Variants in GTPBP1 observed in about 807,000 individuals in gnomAD.
The protein encoded by GTPBP1 is GTP-binding protein 1.
GTPBP1 carries 23 observed loss-of-function variants against 62.0 expected under a neutral mutation model. That is an observed-to-expected ratio of 0.37 (90% confidence interval 0.27 to 0.53). The LOEUF (loss-of-function observed/expected upper bound fraction) is 0.53. GTPBP1 is among the 20% of genes least tolerant of loss of function. GTPBP1 has a pLI of 0.89. For synonymous variants in GTPBP1, 344 were observed against 364.4 expected, an observed-to-expected ratio of 0.94 and a Z score of 0.64; for missense variants, 640 against 917.3, an observed-to-expected ratio of 0.70 and a Z score of 3.90.
chr22:38,739,816 T>C (rs2092838756), downstream of GTPBP1: 19 of 1,613,612 alleles, frequency 1.2e-5, no homozygotes, highest in Non-Finnish European at 1.5e-5. This position sits in a 1 kb window ranked among gnomAD's most constrained non-coding sequence, Gnocchi z 6.7. Flanking sequence ...CTCTGCCACA[T>C]GGGTGAGGAT....
chr22:38,738,796 C>T (rs2092829298), downstream of GTPBP1: 1 of 1,604,512 alleles, frequency 6.2e-7, no homozygotes, highest in Non-Finnish European at 8.5e-7. The surrounding 1 kb of genome is among the most constrained non-coding windows in gnomAD (Gnocchi z 6.6). Flanking sequence ...GCCCTGAGTC[C>T]AGCTCTTGCT....
downstream of GTPBP1, chr22:38,740,608 G>T: frequency 1.5e-6 from 1 of 646,044 alleles, no homozygotes; most frequent in Non-Finnish European, 2.5e-6. The surrounding 1 kb of genome is among the most constrained non-coding windows in gnomAD (Gnocchi z 4.8). Flanking sequence ...CAGAACCCCT[G>T]CCTGTCCCAA....
rs577918112 is a variant in GTPBP1 at position 38,729,526 on chromosome 22, C to T, written c.1781C>T (p.Thr594Met). 32 of 1,609,652 alleles carry T rather than the reference C, an allele frequency of 2.0e-5. No homozygotes were observed. The African/African-American group carries it at 2.8e-4, about 14-fold the overall frequency. ...CCGCAGCAGATTAAAATGCAGTCGA[C>T]GAAAAAGGGCCCCCTGACGAAACGA... ...SKPQQIKMQS[T>M]KKGPLTKRDE... The change falls in exon 11 of 12, where the codon ACG (threonine) becomes ATG (methionine). Residue 594 changes from threonine (T) to methionine (M), a missense_variant. Transcript: ENST00000216044.
chr22:38,722,184 T>C (rs2092703936), intron 5 of GTPBP1, among the ~76,000 whole-genome samples: 1 of 152,186 alleles, frequency 6.6e-6, no homozygotes, highest in African/African-American at 2.4e-5. Flanking sequence ...CTAGGTAAAC[T>C]ATAAATTTCA....
At chr22:38,738,703 C>T (rs754499171), downstream of GTPBP1, 15 of 1,613,550 alleles carry the variant, frequency 9.3e-6, no homozygotes, top group African/African-American at 2.7e-5. This position sits in a 1 kb window ranked among gnomAD's most constrained non-coding sequence, Gnocchi z 6.6. Context: ...CGGACCACGG[C>T]GAAGCCTTGT....
At chr22:38,741,664 G>A, downstream of GTPBP1, 1 of 1,217,910 alleles carries the variant, frequency 8.2e-7, no homozygotes, top group South Asian at 1.3e-5. Flanking sequence ...TTCAAACAAG[G>A]TCTGTTTGCT....
rs548756998 is a variant in GTPBP1, at chr22:38,727,678, C to T, written c.1538-305C>T. ...AAGTAGATGGGCAAGGATCCTTCCC[C>T]GCAGAAGCCCACAGTCCAGCGAGGA... On this transcript the variant is annotated intron_variant, in intron 9 of 11. Transcript: ENST00000216044. The surrounding 1 kb of genome is among the most constrained non-coding windows in gnomAD (Gnocchi z 6.5). Among the ~76,000 whole-genome samples the T allele has an allele frequency of 4.6e-5, 7 of 152,310 alleles. No homozygotes were observed. Among genetic ancestry groups the T allele is most frequent in the African/African-American group, 1.2e-4 (5 of 41,580 alleles).
chr22:38,710,981 C>G (rs1407746040), intron 2 of GTPBP1, among the ~76,000 whole-genome samples: 1 of 152,156 alleles, frequency 6.6e-6, no homozygotes, highest in Non-Finnish European at 1.5e-5. Flanking sequence ...GCATCATCCT[C>G]GAATCCACCA....
chr22:38,738,533 G>A (rs2092826974), downstream of GTPBP1: 1 of 1,583,022 alleles, frequency 6.3e-7, no homozygotes, highest in African/African-American at 1.3e-5. This position sits in a 1 kb window ranked among gnomAD's most constrained non-coding sequence, Gnocchi z 6.6. Flanking sequence ...CAGTAGAGAG[G>A]CCCACAGGAT....
At chr22:38,736,455 G>A (rs770219543), downstream of GTPBP1, 1 of 1,296,620 alleles carries the variant, frequency 7.7e-7, no homozygotes, top group Non-Finnish European at 1.1e-6. Context: ...GGGAAGGGGA[G>A]ACAGCCTCGC....
chr22:38,705,962 A>C lies in GTPBP1; in HGVS notation c.7A>C (p.Thr3Pro). 6.9e-7 allele frequency: 1 copy of C among 1,441,168 alleles called. No individual in the cohort carries two copies. The highest frequency in any genetic ancestry group is 9.2e-7 in the Non-Finnish European group (1 of 1,092,890). The allele number at this position is 1,441,168 out of a possible 1,614,324, so 89.3% of individuals were successfully genotyped here. MA[T>P]ERSRSAMDSP... ...TTAGCCTAAGTTATTAAAGATGGCG[A>C]CGGAGCGCAGTCGCTCCGCGATGGA... The change falls in exon 1 of 12, where the codon ACG becomes CCG. Residue 3 changes from threonine (T) to proline (P), a missense_variant. By Grantham distance (38) the Thr-to-Pro change is conservative. Coordinates refer to ENST00000216044, the MANE Select transcript of GTPBP1 (RefSeq NM_004286.5).
chr22:38,738,228 A>G, downstream of GTPBP1: 1 of 1,613,994 alleles, frequency 6.2e-7, no homozygotes, highest in Non-Finnish European at 8.5e-7. This position sits in a 1 kb window ranked among gnomAD's most constrained non-coding sequence, Gnocchi z 6.6. Flanking sequence ...GAACTTGCCA[A>G]GGAGTGTCCC....
At chr22:38,734,035 G>A, downstream of GTPBP1, 1 of 257,908 alleles carries the variant, frequency 3.9e-6, no homozygotes. Flanking sequence ...CTCCCAAGAG[G>A]CTGAGGAGCT....
At chr22:38,725,930 C>T in intron 6 of GTPBP1, 76 bp from the exon 7 acceptor site, 1 of 1,407,998 alleles carries the variant, frequency 7.1e-7, no homozygotes. Context: ...GTTGCTGCCC[C>T]TGGTCTGTGT....
chr22:38,715,809 G>T (rs1169852039), intron 2 of GTPBP1, 98 bp from the exon 3 acceptor site: 7 of 912,350 alleles, frequency 7.7e-6, no homozygotes, highest in African/African-American at 1.7e-5. Flanking sequence ...GGGGTCGGGG[G>T]GTGGTGGCCT....
intron 2 of GTPBP1, among the ~76,000 whole-genome samples, chr22:38,712,187 G>C (rs116311866): frequency 0.026 from 3,950 of 152,246 alleles, 70 homozygotes; most frequent in South Asian, 0.054. Context: ...GGAGTACTAA[G>C]TCTTTGTGGA....
chr22:38,715,903 C>G lies in GTPBP1; in HGVS notation c.305-4C>G, dbSNP rs368274267. The G allele has an allele frequency of 6.9e-6, 11 of 1,600,608 alleles. No homozygotes were observed. Among genetic ancestry groups the G allele is most frequent in the Middle Eastern group, 1.7e-4 (1 of 6,020 alleles). On this transcript the variant is annotated splice_region_variant and splice_polypyrimidine_tract_variant and intron_variant, in intron 2 of 11. Transcript: ENST00000216044. ...CCTGCTGATGTCTGGGCTCTTGTCA[C>G]CAGATGGGACTGAGTATGGGCTGAG...
At chr22:38,736,074 C>T (rs1176432353), downstream of GTPBP1, 1 of 654,496 alleles carries the variant, frequency 1.5e-6, no homozygotes, top group Non-Finnish European at 2.8e-6. Context: ...AAGAAGGGAG[C>T]TGCTGGAGCC....
rs777206173 is a variant in GTPBP1 at position 38,729,552 on chromosome 22, G to C, written c.1807G>C (p.Asp603His). Residue 603 changes from aspartate to histidine, a missense_variant, in exon 11 of 12, where the codon GAC (aspartate) becomes CAC (histidine). Asp to His is a moderately conservative substitution (Grantham distance 81). Transcript: ENST00000216044. ...GAAAAAGGGCCCCCTGACGAAACGAGACGAGGGGGGCCCGTCTGGTGGGCC... is the reference window on the plus strand; with the variant it reads ...GAAAAAGGGCCCCCTGACGAAACGACACGAGGGGGGCCCGTCTGGTGGGCC... Reference protein sequence around the residue: ...STKKGPLTKRDEGGPSGGPAV... With the variant: ...STKKGPLTKRHEGGPSGGPAV... The C allele has an allele frequency of 6.2e-7, 1 of 1,604,576 alleles. No individual in the cohort carries two copies. Among genetic ancestry groups the C allele is most frequent in the Non-Finnish European group, 8.5e-7 (1 of 1,175,590 alleles).
Sources: gnomAD v4.1 joint callset for allele counts (sites outside exome capture counted in the v4.1 genomes callset) on GRCh38, gnomAD v4.1.1 for gene constraint, Gnocchi (gnomAD v3.1) non-coding constraint, MANE v1.5 for transcripts, NCBI Gene and HGNC (gene_info 2026-07-23, HGNC 2026-07-21) for gene names.